PCSK6: variants seen among roughly 807,000 people sequenced by gnomAD.
The protein encoded by PCSK6 is paired basic amino acid cleaving enzyme 4.
A neutral mutation model predicts 123.3 loss-of-function variants in PCSK6; 85 were observed. The ratio of observed to expected loss-of-function variants is 0.69; its 90% CI spans 0.58 to 0.83. The LOEUF (loss-of-function observed/expected upper bound fraction) is 0.83. Ranked by LOEUF, PCSK6 falls within the 40% of genes least tolerant of loss-of-function variation. The pLI, the probability that PCSK6 is intolerant of heterozygous loss-of-function variation, is 0.00. For synonymous variants in PCSK6, 508 were observed against 516.0 expected, an observed-to-expected ratio of 0.98 and a Z score of 0.21; for missense variants, 1,191 against 1,282.3, an observed-to-expected ratio of 0.93 and a Z score of 1.09.
At chr15:101,484,710 C>A (rs951263191) in intron 1 of PCSK6, among the ~76,000 whole-genome samples, 1 of 152,152 alleles carries the variant, frequency 6.6e-6, no homozygotes, top group Non-Finnish European at 1.5e-5. Flanking sequence ...TGTTTCTTAA[C>A]GTTTACATGA....
intron 17 of PCSK6, among the ~76,000 whole-genome samples, chr15:101,323,910 C>T (rs976444567): frequency 1.3e-5 from 2 of 152,124 alleles, no homozygotes; most frequent in South Asian, 2.1e-4. Context: ...TGGAAGACCA[C>T]GAGTGCCAAA....
At chr15:101,333,150 T>G (rs1404962450) in intron 13 of PCSK6, among the ~76,000 whole-genome samples, 1 of 152,178 alleles carries the variant, frequency 6.6e-6, no homozygotes, top group Non-Finnish European at 1.5e-5. Flanking sequence ...AGCTTCTTCT[T>G]CTTCTTTTTT....
Position 101,385,337 on chromosome 15 carries a change from A to T in PCSK6, c.1311-912T>A, listed in dbSNP as rs1428568866. 3.3e-5 allele frequency among the ~76,000 whole-genome samples: 5 copies of T among 151,988 alleles called. No individual in the cohort carries two copies. In the East Asian group the frequency reaches 9.6e-4, roughly 29 times the overall value. On this transcript the variant is annotated intron_variant, in intron 9 of 21. Transcript: ENST00000611716. The stretch of plus-strand genomic sequence containing the variant: ...CTGGCCCACCTTTTTCTTTTTTTTA[A>T]CACCTCTGAAATCCAGATCCATCTT...
At chr15:101,318,586 C>T (rs756731553) in intron 18 of PCSK6, among the ~76,000 whole-genome samples, 164 bp from the exon 19 acceptor site, 4 of 152,248 alleles carry the variant, frequency 2.6e-5, no homozygotes, top group African/African-American at 7.2e-5. Context: ...TCCCGCAGTC[C>T]GCTGGGGGCC....
chr15:101,458,122 C>G (rs1596355547), intron 1 of PCSK6, among the ~76,000 whole-genome samples: 1 of 152,318 alleles, frequency 6.6e-6, no homozygotes, highest in African/African-American at 2.4e-5. Flanking sequence ...GTCTCCATGG[C>G]TGTTCTACTC....
intron 7 of PCSK6, among the ~76,000 whole-genome samples, chr15:101,393,911 C>G (rs57102057): frequency 6.6e-6 from 1 of 152,110 alleles, no homozygotes; most frequent in African/African-American, 2.4e-5. Flanking sequence ...AAGAGGTACC[C>G]TTCTTGCAGA....
intron 1 of PCSK6, among the ~76,000 whole-genome samples, chr15:101,470,982 C>T (rs1007456633): frequency 6.6e-6 from 1 of 152,216 alleles, no homozygotes; most frequent in African/African-American, 2.4e-5. Flanking sequence ...AGCAACCCAG[C>T]CTACCTTGCC....
At chr15:101,446,020 C>G (rs2056880117) in intron 1 of PCSK6, among the ~76,000 whole-genome samples, 1 of 152,276 alleles carries the variant, frequency 6.6e-6, no homozygotes, top group Non-Finnish European at 1.5e-5. Flanking sequence ...CTGATGTCAA[C>G]TGTTCTCCAC....
intron 6 of PCSK6, among the ~76,000 whole-genome samples, chr15:101,404,048 G>T (rs980248738): frequency 6.6e-6 from 1 of 152,162 alleles, no homozygotes; most frequent in African/African-American, 2.4e-5. Context: ...GTTTAATTTT[G>T]CTTGTACTGA....
At chr15:101,368,613 A>G (rs2041473357) in intron 12 of PCSK6, among the ~76,000 whole-genome samples, 1 of 152,134 alleles carries the variant, frequency 6.6e-6, no homozygotes, top group African/African-American at 2.4e-5. Flanking sequence ...AACCTGGGCC[A>G]TCACCTGGGC....
rs531337657 is a variant in PCSK6, at chr15:101,314,597, A to G, written c.2570-1092T>C. Among the ~76,000 whole-genome samples, 4 of 152,322 alleles carry G rather than the reference A, an allele frequency of 2.6e-5. 1 individual carries two copies. The East Asian group carries it at 7.7e-4, about 29-fold the overall frequency. ...GTTCCGGAGCCTGGAGGGCTCAAGC[A>G]CAAGGCCCTGGGCTCTGGGGCTGGC... On this transcript the variant is annotated intron_variant, in intron 19 of 21. Transcript: ENST00000611716.
At chr15:101,329,952 G>A (rs1159891792) in intron 15 of PCSK6, among the ~76,000 whole-genome samples, 1 of 152,194 alleles carries the variant, frequency 6.6e-6, no homozygotes, top group Non-Finnish European at 1.5e-5. Flanking sequence ...GTTGCTACAG[G>A]TGCAGACCCC....
intron 9 of PCSK6, among the ~76,000 whole-genome samples, chr15:101,384,756 T>A (rs562343731): frequency 6.6e-6 from 1 of 152,322 alleles, no homozygotes; most frequent in African/African-American, 2.4e-5. Context: ...TAGTAAATGT[T>A]TATTAAATAC....
At chr15:101,441,669 T>C (rs750380783) in intron 2 of PCSK6, among the ~76,000 whole-genome samples, 41 of 152,242 alleles carry the variant, frequency 2.7e-4, no homozygotes, top group Non-Finnish European at 5.9e-5. Flanking sequence ...TTATTAATTC[T>C]TGGAAGGCCT....
At chr15:101,467,571 CCAA>C (rs2057494623) in intron 1 of PCSK6, among the ~76,000 whole-genome samples, 3 of 152,144 alleles carry the variant, frequency 2.0e-5, no homozygotes, top group Admixed American at 2.0e-4. Flanking sequence ...CCACGACTGG[CCAA>C]CAACAATTCT....
chr15:101,362,146 T>C (rs140198491), intron 13 of PCSK6, among the ~76,000 whole-genome samples: 3,044 of 152,074 alleles, frequency 0.02, 96 homozygotes, highest in African/African-American at 0.066. Context: ...TTAGTAGAGA[T>C]GGGGTTTCAC....
chr15:101,369,402 G>C (rs550338739), intron 12 of PCSK6, among the ~76,000 whole-genome samples: 1 of 152,180 alleles, frequency 6.6e-6, no homozygotes, highest in Non-Finnish European at 1.5e-5. Flanking sequence ...CCTACACAAG[G>C]GCCACAGCCT....
chr15:101,405,003 T>A (rs1029132794), intron 6 of PCSK6, among the ~76,000 whole-genome samples: 1 of 152,198 alleles, frequency 6.6e-6, no homozygotes, highest in Non-Finnish European at 1.5e-5. Context: ...ATGCTTTTCA[T>A]CTTGGAAAAA....
At position 101,313,445 on chromosome 15, in the gene PCSK6, C is replaced by T; in HGVS notation, c.2630G>A (p.Cys877Tyr). Residue 877 changes from cysteine to tyrosine, a missense_variant, in exon 20 of 22, where the codon TGT becomes TAT. Physicochemically the swap from Cys to Tyr is radical, Grantham distance 194. Transcript: ENST00000611716. Reference sequence around the variant, plus strand: ...GAAGCCCTCACCACAGGCTGGCACACACTTCCAGTCGTGGAAGTGGAAGTT... The same window carrying T: ...GAAGCCCTCACCACAGGCTGGCACATACTTCCAGTCGTGGAAGTGGAAGTT... ...AKNFHFHDWK[C>Y]VPACGEGFYP... is the part of the protein sequence containing the mutation. The T allele has an allele frequency of 6.2e-7, 1 of 1,612,270 alleles. No individual in the cohort carries two copies. The highest frequency in any genetic ancestry group is 8.5e-7 in the Non-Finnish European group (1 of 1,179,826).
Sources: gnomAD v4.1 joint callset for allele counts (sites outside exome capture counted in the v4.1 genomes callset) on GRCh38, gnomAD v4.1.1 for gene constraint, MANE v1.5 for transcripts, NCBI Gene and HGNC (gene_info 2026-07-23, HGNC 2026-07-21) for gene names.